The following TUSC3 variants were observed in gnomAD, a reference collection of about 807,000 sequenced individuals.
TUSC3 encodes the protein tumor suppressor candidate 3.
TUSC3 carries 45 observed loss-of-function variants against 44.8 expected under a neutral mutation model. The ratio of observed to expected loss-of-function variants is 1.00; its 90% CI spans 0.79 to 1.29. The LOEUF (loss-of-function observed/expected upper bound fraction) is 1.29. Among genes scored for constraint, TUSC3 ranks in the 50% most tolerant of loss-of-function variants. The probability of loss-of-function intolerance (pLI) is 0.00; values close to 1 mark genes in which losing one functional copy is unlikely to be tolerated. For synonymous variants in TUSC3, 212 were observed against 152.9 expected, an observed-to-expected ratio of 1.39 and a Z score of -2.85; for missense variants, 519 against 437.9, an observed-to-expected ratio of 1.19 and a Z score of -1.65.
At chr8:15,581,349 C>T (rs1035868625) in intron 1 of TUSC3, among the ~76,000 whole-genome samples, 9 of 149,924 alleles carry the variant, frequency 6.0e-5, no homozygotes, top group South Asian at 2.1e-4. Context: ...AGCTTTGTTC[C>T]GTTGCTGGTG....
intron 9 of TUSC3, among the ~76,000 whole-genome samples, chr8:15,751,408 T>C (rs901297852): frequency 6.6e-6 from 1 of 152,216 alleles, no homozygotes; most frequent in African/African-American, 2.4e-5. Context: ...GTAATGTCTT[T>C]ATACTGTTCT....
At chr8:15,723,380 T>A (rs1425691646) in intron 6 of TUSC3, among the ~76,000 whole-genome samples, 2 of 152,102 alleles carry the variant, frequency 1.3e-5, no homozygotes, top group Non-Finnish European at 2.9e-5. Flanking sequence ...TAAAGAACTG[T>A]TTTATTTCTC....
chr8:15,454,463 T>C (rs1292290374), intron 1 of TUSC3, among the ~76,000 whole-genome samples: 1 of 152,234 alleles, frequency 6.6e-6, no homozygotes, highest in Non-Finnish European at 1.5e-5. Context: ...CAATAGGTTA[T>C]GCACAGATTT....
At chr8:15,548,048 A>G (rs1169814605) in intron 1 of TUSC3, among the ~76,000 whole-genome samples, 3 of 151,406 alleles carry the variant, frequency 2.0e-5, no homozygotes, top group Non-Finnish European at 4.4e-5. Context: ...TCTGCAGTCC[A>G]GAAGGGAGCT....
chr8:15,605,823 C>G (rs1563129872), intron 1 of TUSC3, among the ~76,000 whole-genome samples: 1 of 151,976 alleles, frequency 6.6e-6, no homozygotes, highest in Non-Finnish European at 1.5e-5. Context: ...TAAATCACAA[C>G]TGCATAAAAT....
chr8:15,806,578 A>G, the TUSC3 span: 1,754 of 1,468,950 alleles, frequency 1.2e-3, 2 homozygotes, highest in Non-Finnish European at 1.3e-3. Context: ...CATCCCAGAT[A>G]CTATCACATG....
At chr8:15,504,954 A>C (rs1801033868) in intron 2 of TUSC3, among the ~76,000 whole-genome samples, 1 of 151,828 alleles carries the variant, frequency 6.6e-6, no homozygotes, top group South Asian at 2.1e-4. Flanking sequence ...TTCTTTCCGT[A>C]ATTCATGTAT....
At chr8:15,811,585 C>G in the TUSC3 span, among the ~76,000 whole-genome samples, 13,558 of 152,146 alleles carry the variant, frequency 0.089, 748 homozygotes, top group Middle Eastern at 0.16. Context: ...GTTTGCAGAA[C>G]AGGCACAAAG....
rs541878350 is a variant in TUSC3, at chr8:15,602,699, T to C, written c.139-20381T>C. ...GTGTGTGTGTGTGTGTGTGTGTGTA[T>C]ATATGTGTATGTATACGTGTGTATA... On this transcript the variant is annotated intron_variant, in intron 1 of 10. Transcript: ENST00000503731. Among the ~76,000 whole-genome samples, 4 of 148,006 alleles carry C rather than the reference T, an allele frequency of 2.7e-5. No homozygotes were observed. In the South Asian group the frequency reaches 8.4e-4, roughly 31 times the overall value.
the TUSC3 span, among the ~76,000 whole-genome samples, chr8:15,851,790 G>C: frequency 6.6e-6 from 1 of 152,058 alleles, no homozygotes. Context: ...ATATGATTTG[G>C]CTGTATCTTC....
At chr8:15,750,454 T>G (rs1811647924) in intron 9 of TUSC3, among the ~76,000 whole-genome samples, 1 of 152,184 alleles carries the variant, frequency 6.6e-6, no homozygotes, top group African/African-American at 2.4e-5. Flanking sequence ...TTTACTAGTT[T>G]TTTATAATGT....
chr8:15,503,703 C>G (rs1801000813), intron 2 of TUSC3, among the ~76,000 whole-genome samples: 1 of 151,936 alleles, frequency 6.6e-6, no homozygotes, highest in East Asian at 2.0e-4. Flanking sequence ...AATCTTGTGT[C>G]TTAAACAAAA....
At chr8:15,807,162 G>A in the TUSC3 span, 18 of 826,640 alleles carry the variant, frequency 2.2e-5, no homozygotes, top group African/African-American at 5.0e-5. Context: ...AATCACAGCC[G>A]TATGTGCATC....
chr8:15,462,550 T>C (rs1284067693), intron 1 of TUSC3, among the ~76,000 whole-genome samples: 1 of 152,086 alleles, frequency 6.6e-6, no homozygotes, highest in Non-Finnish European at 1.5e-5. Context: ...TTAAATTCAT[T>C]TTCAGAATTT....
intron 1 of TUSC3, among the ~76,000 whole-genome samples, chr8:15,459,537 G>A (rs1800311125): frequency 1.3e-5 from 2 of 152,006 alleles, no homozygotes; most frequent in African/African-American, 4.8e-5. Context: ...ATTCTTTAGT[G>A]GTGATTTGTG....
intron 6 of TUSC3, among the ~76,000 whole-genome samples, chr8:15,715,888 G>A (rs915750694): frequency 2.6e-5 from 4 of 151,756 alleles, no homozygotes; most frequent in African/African-American, 7.3e-5. Flanking sequence ...TAGTATTGAG[G>A]TATGATTTAT....
the TUSC3 span, among the ~76,000 whole-genome samples, chr8:15,829,231 T>A: frequency 6.6e-6 from 1 of 152,194 alleles, no homozygotes; most frequent in East Asian, 1.9e-4. Context: ...TAGAAAAAAA[T>A]GTTGCAAAGA....
chr8:15,807,438 G>C, the TUSC3 span, among the ~76,000 whole-genome samples: 1 of 151,992 alleles, frequency 6.6e-6, no homozygotes, highest in African/African-American at 2.4e-5. Context: ...CAGCCACTGT[G>C]GAAAGCAAAG....
At chr8:15,648,167 A>G (rs1435465084) in intron 2 of TUSC3, among the ~76,000 whole-genome samples, 1 of 151,876 alleles carries the variant, frequency 6.6e-6, no homozygotes, top group Non-Finnish European at 1.5e-5. Flanking sequence ...CATTCCACCT[A>G]TGTTGTTTTT....
Sources: allele counts gnomAD v4.1 joint callset (sites outside exome capture counted in the v4.1 genomes callset), GRCh38; gene constraint gnomAD v4.1.1; transcripts MANE v1.5; gene names NCBI Gene and HGNC (gene_info 2026-07-23, HGNC 2026-07-21).